Variants in ZFC3H1 observed in about 807,000 individuals in gnomAD.
The protein encoded by ZFC3H1 is zinc finger C3H1-type containing.
ZFC3H1 carries 71 observed loss-of-function variants against 243.7 expected under a neutral mutation model. The ratio of observed to expected loss-of-function variants is 0.29; its 90% CI spans 0.24 to 0.36. The LOEUF (loss-of-function observed/expected upper bound fraction) is 0.36, where lower values mean the gene tolerates loss of function less well. Ranked by LOEUF, ZFC3H1 falls within the 10% of genes least tolerant of loss-of-function variation. ZFC3H1 has a pLI of 1.00. For synonymous variants in ZFC3H1, 838 were observed against 813.0 expected, an observed-to-expected ratio of 1.03 and a Z score of -0.52; for missense variants, 1,966 against 2,317.1, an observed-to-expected ratio of 0.85 and a Z score of 3.11.
Position 71,614,937 on chromosome 12 carries a change from G to C in ZFC3H1, c.5257C>G (p.Leu1753Val). ...ATACTTGATTGAAGAGGATGACAAA[G>C]GCTGTTTAAAAAATGAAGGAAAACA... ...QVPYLWLIYCLCHPLQSSIKE... is the reference protein window; with the variant it reads ...QVPYLWLIYCVCHPLQSSIKE... Residue 1753 changes from leucine to valine, a missense_variant and splice_region_variant, in exon 29 of 35, where the codon CTT (leucine) becomes GTT (valine). This residue lies in a region of ZFC3H1 where 1,383 missense variants were observed against 1,723.7 expected (regional missense o/e 0.80). Coordinates refer to ENST00000378743, the MANE Select transcript of ZFC3H1 (RefSeq NM_144982.5). 1 of 1,611,594 alleles carries C rather than the reference G, an allele frequency of 6.2e-7. No individual in the cohort carries two copies. Among genetic ancestry groups the C allele is most frequent in the Non-Finnish European group, 8.5e-7 (1 of 1,178,438 alleles).
chr12:71,639,277 A>C (rs771869469), intron 6 of ZFC3H1: 3 of 155,648 alleles, frequency 1.9e-5, no homozygotes, highest in Non-Finnish European at 4.3e-5. Flanking sequence ...AAGTCAATAC[A>C]TTATTATCCA....
intron 34 of ZFC3H1, 52 bp downstream of exon 34, chr12:71,610,643 C>T: frequency 6.2e-7 from 1 of 1,611,938 alleles, no homozygotes; most frequent in Non-Finnish European, 8.5e-7. Flanking sequence ...ATGGCACATG[C>T]AGAAAATTTA....
At position 71,663,553 on chromosome 12, in the gene ZFC3H1, C is replaced by T; in HGVS notation, c.58G>A (p.Gly20Arg). 1 of 1,613,352 alleles carries T rather than the reference C, an allele frequency of 6.2e-7. No homozygotes were observed. Among genetic ancestry groups the T allele is most frequent in the Non-Finnish European group, 8.5e-7 (1 of 1,180,036 alleles). Residue 20 changes from glycine to arginine, a missense_variant, in exon 1 of 35, where the codon GGG (glycine) becomes AGG (arginine). By Grantham distance (125) the Gly-to-Arg change is moderately radical. Transcript: ENST00000378743. The part of the protein sequence containing the change: ...ASSGLSPKEE[G>R]ELEDGEISDD... ...CTGATTTCCCCATCTTCAAGCTCCCCTTCTTCCTTCGGCGAGAGGCCACTG... is the reference window on the plus strand; with the variant it reads ...CTGATTTCCCCATCTTCAAGCTCCCTTTCTTCCTTCGGCGAGAGGCCACTG...
In ZFC3H1 at chr12:71,614,599, G is replaced by A; in HGVS notation, c.5462C>T (p.Pro1821Leu). Residue 1821 changes from proline to leucine, a missense_variant, in exon 30 of 35, where the codon CCT becomes CTT. Coordinates refer to ENST00000378743, the MANE Select transcript of ZFC3H1 (RefSeq NM_144982.5). ...GCTAAAAGGAATGGGGTATCGGGCAGGGACTGTAACCAAACATCTATTCAC... is the reference window on the plus strand; with the variant it reads ...GCTAAAAGGAATGGGGTATCGGGCAAGGACTGTAACCAAACATCTATTCAC... The part of the protein sequence containing the change: ...DLVNRCLVTV[P>L]ARYPIPFSSA... The A allele has an allele frequency of 6.2e-7, 1 of 1,613,492 alleles. No homozygotes were observed. The highest frequency in any genetic ancestry group is 8.5e-7 in the Non-Finnish European group (1 of 1,179,662).
Position 71,613,412 on chromosome 12 carries a change from A to G in ZFC3H1, c.5550T>C (p.Cys1850=), listed in dbSNP as rs780541321. Residue 1850 remains cysteine (C), a synonymous_variant, in exon 31 of 35, where the codon TGT becomes TGC. Coordinates refer to ENST00000378743, the MANE Select transcript of ZFC3H1 (RefSeq NM_144982.5). ...HNRVIFFYLS[C]VPKTQHSKTL... ...TTTTGGAATGCTGGGTCTTTGGAAC[A>G]CAGCTCAAATAAAAGAAAATAACCT... 6.2e-7 allele frequency: 1 copy of G among 1,609,356 alleles called. No homozygotes were observed.
At chr12:71,662,651 TA>T (rs1881215759) in intron 1 of ZFC3H1, among the ~76,000 whole-genome samples, 1 of 152,244 alleles carries the variant, frequency 6.6e-6, no homozygotes, top group Non-Finnish European at 1.5e-5. Context: ...TGTTTATGAA[TA>T]TTTTTTCTCT....
intron 27 of ZFC3H1, among the ~76,000 whole-genome samples, chr12:71,615,990 T>TA (rs1206025064): frequency 1.3e-5 from 2 of 151,814 alleles, no homozygotes; most frequent in South Asian, 2.1e-4. Context: ...ACTTTCTTGT[T>TA]AAAAAAAAGA....
chr12:71,638,042 G>C (rs771586225), intron 7 of ZFC3H1, among the ~76,000 whole-genome samples: 1 of 152,046 alleles, frequency 6.6e-6, no homozygotes, highest in East Asian at 1.9e-4. Context: ...AGAGGAGAAA[G>C]GAGAGTATTA....
rs1880341463 is a variant in ZFC3H1, at chr12:71,632,281, C to T, written c.3051G>A (p.Leu1017=). The T allele has an allele frequency of 5.6e-6, 9 of 1,613,794 alleles. No individual in the cohort carries two copies. In the East Asian group the frequency reaches 2.0e-4, roughly 36 times the overall value. Residue 1017 remains leucine, a synonymous_variant, in exon 15 of 35, where the codon CTG becomes CTA. Coordinates refer to ENST00000378743, the MANE Select transcript of ZFC3H1 (RefSeq NM_144982.5). ...TGTCCAGGGTTAATTTATCTTGTGT[C>T]AGATCATGAAGTGAGGGTTGAGGTA... The part of the protein sequence containing the change: ...FSLPQPSLHD[L]TQDKLTLDTE...
chr12:71,644,853 C>T (rs767825384), intron 4 of ZFC3H1, 24 bp downstream of exon 4: 4 of 1,589,930 alleles, frequency 2.5e-6, no homozygotes, highest in Admixed American at 1.9e-5. Context: ...AACAAAAACA[C>T]AAGAATTTAA....
In ZFC3H1 at chr12:71,632,447, A is replaced by G; in HGVS notation, c.2885T>C (p.Ile962Thr). 1 of 1,605,894 alleles carries G rather than the reference A, an allele frequency of 6.2e-7. No homozygotes were observed. Among genetic ancestry groups the G allele is most frequent in the Non-Finnish European group, 8.5e-7 (1 of 1,179,436 alleles). Residue 962 changes from isoleucine to threonine, a missense_variant, in exon 15 of 35, where the codon ATT becomes ACT. By Grantham distance (89) the Ile-to-Thr change is moderately conservative. Coordinates refer to ENST00000378743, the MANE Select transcript of ZFC3H1 (RefSeq NM_144982.5). The stretch of plus-strand genomic sequence containing the variant: ...TTGTAACCGTCTTTTCTCCATAGCA[A>G]TTAGTTCTGCTGAATGCTTTCTTGG... ...SSPRKHSAEL[I>T]AMEKRRLQKL...
Position 71,634,785 on chromosome 12 carries a change from T to C in ZFC3H1, c.2279A>G (p.Glu760Gly), listed in dbSNP as rs1292085925. 3 of 1,608,286 alleles carry C rather than the reference T, an allele frequency of 1.9e-6. No homozygotes were observed. The highest frequency in any genetic ancestry group is 2.5e-6 in the Non-Finnish European group (3 of 1,178,256). The change falls in exon 11 of 35, where the codon GAA (glutamate) becomes GGA (glycine). Residue 760 changes from glutamate to glycine, a missense_variant. Transcript: ENST00000378743. ...CTCCGGTGTTCGCAGAGGATCATTT[T>C]CTTTTTCAGATTTTGGAGGTACTTT... ...KPKVPPKSEK[E>G]NDPLRTPEAL...
At chr12:71,617,206 T>C (rs1234913199) in intron 27 of ZFC3H1, among the ~76,000 whole-genome samples, 2 of 152,210 alleles carry the variant, frequency 1.3e-5, no homozygotes, top group East Asian at 1.9e-4. Context: ...TGACAACTTA[T>C]GAATTTAAAA....
chr12:71,623,911 T>A (rs901671940), intron 23 of ZFC3H1, among the ~76,000 whole-genome samples, 193 bp downstream of exon 23: 1 of 152,192 alleles, frequency 6.6e-6, no homozygotes, highest in Non-Finnish European at 1.5e-5. Flanking sequence ...TCTAAAGATA[T>A]TACACCCATC....
Position 71,620,220 on chromosome 12 carries a change from G to A in ZFC3H1, c.4840C>T (p.Leu1614Phe), listed in dbSNP as rs1406192851. 1 of 1,614,172 alleles carries A rather than the reference G, an allele frequency of 6.2e-7. No homozygotes were observed. Among genetic ancestry groups the A allele is most frequent in the Admixed American group, 1.7e-5 (1 of 60,032 alleles). The change falls in exon 25 of 35, where the codon CTC (leucine) becomes TTC (phenylalanine). Residue 1614 changes from leucine (L) to phenylalanine (F), a missense_variant. This residue lies in a region of ZFC3H1 where 1,383 missense variants were observed against 1,723.7 expected (regional missense o/e 0.80). Coordinates refer to ENST00000378743, the MANE Select transcript of ZFC3H1 (RefSeq NM_144982.5). ...LYTNMIALHQ[L>F]LERYEAAMEL... ...GCAATTAAGTTGTACCTCTCCAGGA[G>A]TTGGTGCAGAGCAATCATGTTTGTG...
At chr12:71,636,448 A>T in intron 9 of ZFC3H1, 42 bp downstream of exon 9, 1 of 1,558,880 alleles carries the variant, frequency 6.4e-7, no homozygotes, top group Non-Finnish European at 8.7e-7. Flanking sequence ...GAAATTTATC[A>T]TAACTGTTTG....
intron 6 of ZFC3H1, among the ~76,000 whole-genome samples, chr12:71,640,351 C>T (rs1149009): frequency 0.6 from 90,924 of 152,152 alleles, 29,945 homozygotes; most frequent in Middle Eastern, 0.77. Context: ...AGGAAAGAAG[C>T]TGACAGAACT....
rs937497063 is a variant in ZFC3H1 at position 71,644,215 on chromosome 12, T to C, written c.1383A>G (p.Glu461=). The C allele has an allele frequency of 6.8e-6, 11 of 1,612,842 alleles. No homozygotes were observed. The highest frequency in any genetic ancestry group is 1.7e-5 in the Admixed American group (1 of 59,904). ...QKEEDQRKQA[E]EEERRKREEE... ...CCTCTCTTTTCCTTCTCTCTTCTTC[T>C]TCAGCTTGTTTCCGCTGATCCTCTT... The change falls in exon 5 of 35, where the codon GAA becomes GAG. Residue 461 remains glutamate (E), a synonymous_variant. Transcript: ENST00000378743.
rs750078854 is a variant in ZFC3H1 at position 71,609,673 on chromosome 12, G to A, written c.*755C>T. 3 of 152,154 alleles carry A rather than the reference G, an allele frequency of 2.0e-5. No homozygotes were observed. Among genetic ancestry groups the A allele is most frequent in the Admixed American group, 6.6e-5 (1 of 15,222 alleles). The allele number at this position is 152,154 out of a possible 1,614,324, so 9.4% of individuals were successfully genotyped here. On this transcript the variant is annotated 3_prime_UTR_variant, in exon 35 of 35. Coordinates refer to ENST00000378743, the MANE Select transcript of ZFC3H1 (RefSeq NM_144982.5). Reference sequence around the variant, plus strand: ...CTACAAAGTAGTATTTCAATACAAAGCAGTTCAAATATTAACTGTTCTTTA... The same window carrying A: ...CTACAAAGTAGTATTTCAATACAAAACAGTTCAAATATTAACTGTTCTTTA...
Sources: gnomAD v4.1 joint callset for allele counts (sites outside exome capture counted in the v4.1 genomes callset) on GRCh38, gnomAD v4.1.1 for gene constraint, gnomAD v4.1.1 regional missense constraint, MANE v1.5 for transcripts, NCBI Gene and HGNC (gene_info 2026-07-23, HGNC 2026-07-21) for gene names.